ATP11B: variants seen among roughly 807,000 people sequenced by gnomAD.
ATP11B encodes phospholipid-transporting ATPase IF.
ATP11B carries 81 observed loss-of-function variants against 157.8 expected under a neutral mutation model. The observed-to-expected ratio is 0.51, with a 90% CI of 0.43 to 0.62. The LOEUF (loss-of-function observed/expected upper bound fraction) is 0.62, where lower values mean the gene tolerates loss of function less well. ATP11B is among the 20% of genes least tolerant of loss of function. The probability of loss-of-function intolerance (pLI) is 0.00; values close to 1 mark genes in which losing one functional copy is unlikely to be tolerated. For missense variants in ATP11B, 1,165 were observed against 1,402.2 expected (o/e 0.83, Z 2.70); for synonymous variants, 451 against 469.4 (o/e 0.96, Z 0.51).
chr3:182,918,324 A>G lies in ATP11B; in HGVS notation c.*220A>G, dbSNP rs1458046773. On this transcript the variant is annotated 3_prime_UTR_variant, in exon 30 of 30. Transcript: ENST00000323116. ...TGAACATGTTAAAATTTGAGAATAAAGAGACATTTTTCATCTCTTTGTCTG... is the reference window on the plus strand; with the variant it reads ...TGAACATGTTAAAATTTGAGAATAAGGAGACATTTTTCATCTCTTTGTCTG... 9 of 551,510 alleles carry G rather than the reference A, an allele frequency of 1.6e-5. No homozygotes were observed. The East Asian group carries it at 2.9e-4, about 18-fold the overall frequency. 34.2% of individuals were successfully genotyped at this position (551,510 alleles called of 1,614,324 possible).
chr3:182,880,652 AT>A (rs1486070776), intron 20 of ATP11B, among the ~76,000 whole-genome samples: 1 of 152,196 alleles, frequency 6.6e-6, no homozygotes, highest in Admixed American at 6.5e-5. Flanking sequence ...GTTTCTCATC[AT>A]AAAATCCAAA....
Position 182,869,058 on chromosome 3 carries a change from TCTTA to T in ATP11B, c.1689-16_1689-13del, listed in dbSNP as rs763586120. Reference sequence around the variant, plus strand: ...TTAAAAAAAGTAAAGTTTTTGTCTTTCTTACTTTCTTTTGTTTAGGTACAAACTG... The same window carrying T: ...TTAAAAAAAGTAAAGTTTTTGTCTTTCTTTCTTTTGTTTAGGTACAAACTG... On this transcript the variant is annotated splice_polypyrimidine_tract_variant and intron_variant, in intron 15 of 29. Transcript: ENST00000323116. 5.2e-6 allele frequency: 8 copies of T among 1,545,438 alleles called. No homozygotes were observed. Among genetic ancestry groups the T allele is most frequent in the Non-Finnish European group, 7.0e-6 (8 of 1,136,616 alleles).
intron 4 of ATP11B, among the ~76,000 whole-genome samples, chr3:182,830,482 A>G (rs1718053006): frequency 6.6e-6 from 1 of 152,252 alleles, no homozygotes; most frequent in African/African-American, 2.4e-5. Context: ...AGATAAACAT[A>G]TAGAATAAGA....
At chr3:182,852,952 A>G (rs1720094052) in intron 10 of ATP11B, among the ~76,000 whole-genome samples, 1 of 152,200 alleles carries the variant, frequency 6.6e-6, no homozygotes, top group Non-Finnish European at 1.5e-5. Context: ...GACCAGAGAA[A>G]ATGTCTGCAA....
intron 2 of ATP11B, among the ~76,000 whole-genome samples, chr3:182,821,062 C>G (rs1463717517): frequency 6.6e-6 from 1 of 152,082 alleles, no homozygotes; most frequent in Admixed American, 6.6e-5. Context: ...ATAATTTTCC[C>G]AAGGTTGCTC....
At chr3:182,818,378 T>C (rs1480545622) in intron 1 of ATP11B, among the ~76,000 whole-genome samples, 1 of 152,202 alleles carries the variant, frequency 6.6e-6, no homozygotes, top group Non-Finnish European at 1.5e-5. Flanking sequence ...ATGAGGAAAA[T>C]AAATATTTAT....
chr3:182,821,174 A>G (rs774100491), intron 2 of ATP11B, among the ~76,000 whole-genome samples: 15 of 152,188 alleles, frequency 9.9e-5, no homozygotes, highest in African/African-American at 2.9e-4. Context: ...CAGTGGTGCA[A>G]TCTTGGCCCA....
intron 1 of ATP11B, among the ~76,000 whole-genome samples, chr3:182,799,815 A>G (rs1715868972): frequency 6.6e-6 from 1 of 152,294 alleles, no homozygotes; most frequent in Non-Finnish European, 1.5e-5. Flanking sequence ...AAAATTTAGT[A>G]TAAGAAAAAC....
chr3:182,917,126 C>T, intron 29 of ATP11B: 2 of 985,258 alleles, frequency 2.0e-6, no homozygotes, highest in Non-Finnish European at 2.4e-6. Context: ...AAATATTTGA[C>T]AAAGGTGAAT....
In ATP11B at chr3:182,866,399, T is replaced by C. The variant is rs551006421; in HGVS notation, c.1575T>C (p.Tyr525=). The change falls in exon 14 of 30, where the codon TAT becomes TAC. Residue 525 remains tyrosine (Y), a synonymous_variant. Transcript: ENST00000323116. ...SNLAPSQLEY[Y]ASSPDEKALV... Reference sequence around the variant, plus strand: ...TGGCACCATCGCAGTTGGAGTACTATGCATCTTCACCAGATGAAAAGGCTC... The same window carrying C: ...TGGCACCATCGCAGTTGGAGTACTACGCATCTTCACCAGATGAAAAGGCTC... 5.0e-6 allele frequency: 8 copies of C among 1,613,290 alleles called. No homozygotes were observed. In the South Asian group the frequency reaches 7.7e-5, roughly 16 times the overall value.
intron 29 of ATP11B, chr3:182,914,260 G>T: frequency 8.1e-7 from 1 of 1,227,856 alleles, no homozygotes; most frequent in Non-Finnish European, 1.0e-6. Flanking sequence ...TTTCTAAAAT[G>T]TGCTCAGTAG....
chr3:182,864,074 T>G (rs1239371950), intron 12 of ATP11B, among the ~76,000 whole-genome samples: 1 of 152,136 alleles, frequency 6.6e-6, no homozygotes, highest in Admixed American at 6.6e-5. Context: ...AGTAATTTTT[T>G]GCCAAATTTA....
At position 182,829,653 on chromosome 3, in the gene ATP11B, TTCTTTTTTATAAA is replaced by T. The variant is rs1281433075; in HGVS notation, c.235-15_235-3del. On this transcript the variant is annotated splice_polypyrimidine_tract_variant and splice_region_variant and intron_variant, in intron 3 of 29. Transcript: ENST00000323116. ...CAATATAAAAATATAATATTCTGTATTCTTTTTTATAAATCTAGCTTATGATTGATACACCTAC... is the reference window on the plus strand; with the variant it reads ...CAATATAAAAATATAATATTCTGTATTCTAGCTTATGATTGATACACCTAC... 6.7e-7 allele frequency: 1 copy of T among 1,494,864 alleles called. No homozygotes were observed. The highest frequency in any genetic ancestry group is 9.2e-7 in the Non-Finnish European group (1 of 1,084,138). 92.6% of individuals were successfully genotyped at this position (1,494,864 alleles called of 1,614,324 possible).
chr3:182,856,364 T>C (rs1720402784), intron 10 of ATP11B, among the ~76,000 whole-genome samples: 1 of 152,156 alleles, frequency 6.6e-6, no homozygotes, highest in Non-Finnish European at 1.5e-5. Context: ...GGATTTTGAG[T>C]TAAATTTTGA....
intron 28 of ATP11B, among the ~76,000 whole-genome samples, chr3:182,900,579 T>C (rs1723885278): frequency 6.6e-6 from 1 of 151,774 alleles, no homozygotes; most frequent in Non-Finnish European, 1.5e-5. Context: ...AAAGTTTGCC[T>C]ATCTTATTAT....
chr3:182,917,765 A>G (rs1725233414), intron 29 of ATP11B: 1 of 985,022 alleles, frequency 1.0e-6, no homozygotes, highest in Admixed American at 6.2e-5. Flanking sequence ...TACTACATAT[A>G]GAAACTGTTT....
rs1384858783 is a variant in ATP11B at position 182,793,728 on chromosome 3, C to T, written c.-32C>T. 5.0e-6 allele frequency: 7 copies of T among 1,399,710 alleles called. No homozygotes were observed. In the East Asian group the frequency reaches 1.6e-4, roughly 32 times the overall value. 86.7% of individuals were successfully genotyped at this position (1,399,710 alleles called of 1,614,324 possible). ...CACCTGCAGCCCCGCGGCCCCCGCG[C>T]CCCGCGGGACCCGGACGGCGACGAC... On this transcript the variant is annotated 5_prime_UTR_variant, in exon 1 of 30. Coordinates refer to ENST00000323116, the MANE Select transcript of ATP11B (RefSeq NM_014616.3).
chr3:182,861,206 C>T (rs1222870101), intron 12 of ATP11B, among the ~76,000 whole-genome samples: 1 of 151,728 alleles, frequency 6.6e-6, no homozygotes, highest in African/African-American at 2.4e-5. Flanking sequence ...GCTGGGATTA[C>T]AGGCATGTGC....
At chr3:182,876,389 T>C (rs1351298310) in intron 19 of ATP11B, among the ~76,000 whole-genome samples, 1 of 152,208 alleles carries the variant, frequency 6.6e-6, no homozygotes, top group Non-Finnish European at 1.5e-5. Flanking sequence ...ATGAATATGC[T>C]AATCATTAGT....
Sources: gnomAD v4.1 joint callset for allele counts (sites outside exome capture counted in the v4.1 genomes callset) on GRCh38, gnomAD v4.1.1 for gene constraint, MANE v1.5 for transcripts, NCBI Gene and HGNC (gene_info 2026-07-23, HGNC 2026-07-21) for gene names.